The following EYS variants were observed in gnomAD, a reference collection of about 807,000 sequenced individuals.
EYS encodes the protein EGF-like photoreceptor maintenance factor.
EYS carries 250 observed loss-of-function variants against 282.1 expected under a neutral mutation model. The observed-to-expected ratio is 0.89, with a 90% confidence interval of 0.80 to 0.98. EYS has a LOEUF of 0.98. Ranked by LOEUF, EYS falls within the 50% of genes least tolerant of loss-of-function variation. The probability of loss-of-function intolerance (pLI) is 0.00; values close to 1 mark genes in which losing one functional copy is unlikely to be tolerated. For missense variants in EYS, 4,016 were observed against 3,709.0 expected, an observed-to-expected ratio of 1.08 and a Z score of -2.15; for synonymous variants, 1,355 against 1,282.9, an observed-to-expected ratio of 1.06 and a Z score of -1.20.
intron 2 of EYS, among the ~76,000 whole-genome samples, chr6:65,505,306 G>C (rs763996326): frequency 1.5e-4 from 22 of 151,572 alleles, no homozygotes; most frequent in African/African-American, 5.1e-4. Flanking sequence ...TTTCTCCCTT[G>C]ATTAGCCTGA....
intron 24 of EYS, among the ~76,000 whole-genome samples, chr6:64,605,311 A>G (rs1455514882): frequency 6.6e-6 from 1 of 151,896 alleles, no homozygotes; most frequent in Non-Finnish European, 1.5e-5. Flanking sequence ...TTTTAAAAGC[A>G]AAAAAAGTTT....
chr6:65,618,338 G>A (rs1313348038), intron 2 of EYS, among the ~76,000 whole-genome samples: 3 of 152,214 alleles, frequency 2.0e-5, no homozygotes, highest in Admixed American at 6.5e-5. Context: ...TTTTTCGGCT[G>A]CATGAATGTC....
At chr6:64,179,763 T>G (rs898007330) in intron 31 of EYS, among the ~76,000 whole-genome samples, 1 of 152,062 alleles carries the variant, frequency 6.6e-6, no homozygotes, top group Non-Finnish European at 1.5e-5. Context: ...CAGACAGAAA[T>G]TGGTACTGAA....
At chr6:64,210,772 G>A (rs1765741278) in intron 31 of EYS, among the ~76,000 whole-genome samples, 1 of 152,176 alleles carries the variant, frequency 6.6e-6, no homozygotes, top group African/African-American at 2.4e-5. Flanking sequence ...TGTTACAGAG[G>A]AGATTGGTGT....
intron 23 of EYS, among the ~76,000 whole-genome samples, chr6:64,619,273 T>C (rs1767371445): frequency 6.6e-6 from 1 of 152,208 alleles, no homozygotes; most frequent in Admixed American, 6.5e-5. Context: ...TTTCCTTTGC[T>C]TCTCATACTG....
chr6:64,304,094 T>C (rs1769346925), intron 30 of EYS, among the ~76,000 whole-genome samples: 1 of 152,156 alleles, frequency 6.6e-6, no homozygotes, highest in Non-Finnish European at 1.5e-5. Context: ...TTTTGTCATT[T>C]AATCTGCACT....
At chr6:64,651,487 G>A (rs188966499) in intron 22 of EYS, among the ~76,000 whole-genome samples, 1 of 152,160 alleles carries the variant, frequency 6.6e-6, no homozygotes, top group East Asian at 1.9e-4. Context: ...AAATAAATGA[G>A]GAAGGGAAAA....
intron 19 of EYS, among the ~76,000 whole-genome samples, chr6:64,871,794 T>C (rs1431174593): frequency 6.6e-6 from 1 of 152,062 alleles, no homozygotes; most frequent in Non-Finnish European, 1.5e-5. Context: ...AGAGTATTTT[T>C]GTAAATAGTA....
chr6:65,690,780 T>C (rs1048491107), intron 1 of EYS, among the ~76,000 whole-genome samples: 2 of 150,026 alleles, frequency 1.3e-5, no homozygotes, highest in Non-Finnish European at 3.0e-5. Context: ...CCCCTCCCTG[T>C]GTCCATGTGT....
intron 2 of EYS, among the ~76,000 whole-genome samples, chr6:65,521,881 C>G (rs1387753283): frequency 1.3e-5 from 2 of 151,938 alleles, no homozygotes; most frequent in Non-Finnish European, 2.9e-5. Context: ...TGGTATATAA[C>G]GGATGTTTTA....
chr6:65,693,106 T>A (rs748499853), intron 1 of EYS, among the ~76,000 whole-genome samples: 7 of 149,984 alleles, frequency 4.7e-5, no homozygotes, highest in Non-Finnish European at 8.9e-5. Flanking sequence ...CTATCAAATT[T>A]CCCAATAATA....
At chr6:64,547,115 C>T (rs548252122) in intron 26 of EYS, among the ~76,000 whole-genome samples, 1 of 152,052 alleles carries the variant, frequency 6.6e-6, no homozygotes, top group Non-Finnish European at 1.5e-5. Flanking sequence ...AGCTGCAGAC[C>T]TTTGCGGTGA....
At chr6:65,009,511 C>T (rs1384946864) in intron 13 of EYS, among the ~76,000 whole-genome samples, 2 of 152,128 alleles carry the variant, frequency 1.3e-5, no homozygotes, top group Non-Finnish European at 2.9e-5. Flanking sequence ...TACATCCTGA[C>T]TATCAATTCT....
intron 15 of EYS, among the ~76,000 whole-genome samples, chr6:64,934,913 T>C (rs368939628): frequency 9.1e-4 from 138 of 151,952 alleles, no homozygotes; most frequent in Middle Eastern, 6.8e-3. Context: ...CTGTATATGA[T>C]TTAAAAGATG....
chr6:65,250,889 C>T (rs1485336246), intron 12 of EYS, among the ~76,000 whole-genome samples: 1 of 151,372 alleles, frequency 6.6e-6, no homozygotes, highest in Non-Finnish European at 1.5e-5. Context: ...TACAATAATG[C>T]TAGTCCTCAT....
At chr6:64,306,878 G>T in intron 30 of EYS, 92 bp downstream of exon 30, 1 of 696,118 alleles carries the variant, frequency 1.4e-6, no homozygotes, top group Non-Finnish European at 2.5e-6. Flanking sequence ...GAAATATAGT[G>T]CAGCCTTCAT....
intron 33 of EYS, among the ~76,000 whole-genome samples, chr6:64,043,654 T>A (rs779127828): frequency 7.9e-5 from 12 of 152,228 alleles, no homozygotes; most frequent in Non-Finnish European, 1.3e-4. Flanking sequence ...GGGTAGGTCC[T>A]TGAGGGTACA....
At chr6:64,907,785 C>T (rs893731517) in intron 16 of EYS, among the ~76,000 whole-genome samples, 1 of 151,844 alleles carries the variant, frequency 6.6e-6, no homozygotes, top group South Asian at 2.1e-4. Flanking sequence ...TCATAGTTAC[C>T]ATGGGGATGG....
chr6:64,623,556 T>C (rs1015705932), intron 23 of EYS, among the ~76,000 whole-genome samples: 11 of 152,262 alleles, frequency 7.2e-5, no homozygotes, highest in African/African-American at 2.2e-4. Flanking sequence ...TCTAAGCACA[T>C]ACATGCCAAA....
Sources: gnomAD v4.1 joint callset for allele counts (sites outside exome capture counted in the v4.1 genomes callset) on GRCh38, gnomAD v4.1.1 for gene constraint, MANE v1.5 for transcripts, NCBI Gene and HGNC (gene_info 2026-07-23, HGNC 2026-07-21) for gene names.